The following MYT1 variants were observed in gnomAD, a reference collection of about 807,000 sequenced individuals.
MYT1 encodes myelin transcription factor I.
MYT1 carries 23 observed loss-of-function variants against 123.0 expected under a neutral mutation model. The observed-to-expected ratio is 0.19, with a 90% CI of 0.13 to 0.26. The LOEUF is 0.26. Among genes scored for constraint, MYT1 ranks in the 10% least tolerant of loss-of-function variants. The probability of loss-of-function intolerance (pLI) is 1.00; values close to 1 mark genes in which losing one functional copy is unlikely to be tolerated. For synonymous variants in MYT1, 518 were observed against 575.3 expected (o/e 0.90, Z 1.43); for missense variants, 1,125 against 1,472.5 (o/e 0.76, Z 3.86).
chr20:64,191,365 G>A lies in MYT1; in HGVS notation c.-1+1205G>A, dbSNP rs1272621698. The A allele has an allele frequency of 6.6e-6, 1 of 152,272 alleles. No individual in the cohort carries two copies. The highest frequency in any genetic ancestry group is 2.4e-5 in the African/African-American group (1 of 41,456). 9.4% of individuals were successfully genotyped at this position (152,272 alleles called of 1,614,324 possible). ...AACTTCCCACCAATACTCTCTGGAT[G>A]AGGCCAGGTCCCCAGGGTCAGGTGA... On this transcript the variant is annotated intron_variant, in intron 2 of 22. Coordinates refer to ENST00000328439, the MANE Select transcript of MYT1 (RefSeq NM_004535.3). The surrounding 1 kb of genome is among the most constrained non-coding windows in gnomAD (Gnocchi z 4.1).
chr20:64,169,072 G>A (rs1195884669), intron 1 of MYT1, among the ~76,000 whole-genome samples: 5 of 152,188 alleles, frequency 3.3e-5, no homozygotes, highest in Admixed American at 6.5e-5. Context: ...TGAGAAGAGG[G>A]GGCCCTGGGT....
chr20:64,180,716 G>T (rs748586317), intron 1 of MYT1, among the ~76,000 whole-genome samples: 1 of 152,242 alleles, frequency 6.6e-6, no homozygotes, highest in Non-Finnish European at 1.5e-5. Context: ...GACCTTTTCG[G>T]ACACTTGTGC....
Position 64,202,052 on chromosome 20 carries a change from T to TC in MYT1, c.86+2130_86+2131insC, listed in dbSNP as rs1983336853. On this transcript the variant is annotated intron_variant, in intron 4 of 22. Coordinates refer to ENST00000328439, the MANE Select transcript of MYT1 (RefSeq NM_004535.3). This position sits in a 1 kb window ranked among gnomAD's most constrained non-coding sequence, Gnocchi z 5.0. Reference sequence around the variant, plus strand: ...GGAACCCCCGCGTGTCGGGAACCTCTGCGTGTCGGGAACCCCTGTGTGCAG... The same window carrying TC: ...GGAACCCCCGCGTGTCGGGAACCTCTCGCGTGTCGGGAACCCCTGTGTGCAG... 4.5e-5 allele frequency among the ~76,000 whole-genome samples: 6 copies of TC among 133,510 alleles called. No homozygotes were observed. Among genetic ancestry groups the TC allele is most frequent in the South Asian group, 2.5e-4 (1 of 4,038 alleles). 87.6% of individuals were successfully genotyped at this position (133,510 alleles called of 152,430 possible). A position where few individuals can be genotyped will look rare whatever the true frequency, so the allele number is the denominator to read the frequency against.
At chr20:64,214,936 A>T (rs1983792810) in intron 10 of MYT1, among the ~76,000 whole-genome samples, 1 of 152,166 alleles carries the variant, frequency 6.6e-6, no homozygotes, top group South Asian at 2.1e-4. Flanking sequence ...TGTTCCTCTG[A>T]AGGTGCAATT....
In MYT1 at chr20:64,239,852, C is replaced by A. The variant is rs374037156; in HGVS notation, c.3186C>A (p.Gly1062=). The A allele has an allele frequency of 1.1e-4, 185 of 1,613,672 alleles. No individual in the cohort carries two copies. The highest frequency in any genetic ancestry group is 1.3e-4 in the Non-Finnish European group (158 of 1,180,042). ...AAGCCCTGTTTCTGGAGCTGTCCGG[C>A]CTGAGCCAGGCCCTCATCCAAAGTC... ...QNEALFLELS[G]LSQALIQSLA... is the part of the protein sequence containing the mutation. The change falls in exon 22 of 23, where the codon GGC becomes GGA. Residue 1062 remains glycine, a synonymous_variant. Coordinates refer to ENST00000328439, the MANE Select transcript of MYT1 (RefSeq NM_004535.3).
rs1328232650 is a variant in MYT1, at chr20:64,227,915, A to G, written c.2619A>G (p.Lys873=). 1.2e-6 allele frequency: 2 copies of G among 1,613,990 alleles called. No individual in the cohort carries two copies. Among genetic ancestry groups the G allele is most frequent in the East Asian group, 2.2e-5 (1 of 44,892 alleles). ...TGTCCGGCTGCCCTCGTGCAAAGAA[A>G]AGTGGAGTCAAGGTGGCACCCACCA... is the stretch of plus-strand genomic sequence containing the variant. ...RSLSGCPRAK[K]SGVKVAPTKD... Residue 873 remains lysine, a synonymous_variant, in exon 18 of 23, where the codon AAA becomes AAG. Transcript: ENST00000328439.
At chr20:64,187,530 C>T (rs1187192070) in intron 1 of MYT1, among the ~76,000 whole-genome samples, 1 of 152,066 alleles carries the variant, frequency 6.6e-6, no homozygotes, top group Non-Finnish European at 1.5e-5. Flanking sequence ...TCCTGTGGCA[C>T]GTGGCCCCGG....
At chr20:64,171,258 C>G (rs978062270) in intron 1 of MYT1, among the ~76,000 whole-genome samples, 2 of 152,260 alleles carry the variant, frequency 1.3e-5, no homozygotes, top group African/African-American at 4.8e-5. Flanking sequence ...GTGCTGCAAG[C>G]TTGCTGCCTT....
chr20:64,233,711 G>A (rs1181040810), intron 19 of MYT1, among the ~76,000 whole-genome samples: 1 of 151,834 alleles, frequency 6.6e-6, no homozygotes, highest in Non-Finnish European at 1.5e-5. Flanking sequence ...TGGTGCGTGT[G>A]CTGGGCAAAA....
intron 2 of MYT1, among the ~76,000 whole-genome samples, chr20:64,198,655 T>A (rs1983202464): frequency 6.6e-6 from 1 of 152,216 alleles, no homozygotes; most frequent in South Asian, 2.1e-4. Context: ...CCAAGCCTTG[T>A]AGAAGGTCCT....
At chr20:64,211,479 C>G in intron 8 of MYT1, 139 bp downstream of exon 8, 2 of 892,836 alleles carry the variant, frequency 2.2e-6, no homozygotes, top group Non-Finnish European at 3.3e-6. Context: ...CTCATCCTTA[C>G]ATCTCCCCGC....
At chr20:64,219,383 C>T (rs552706273) in intron 12 of MYT1, among the ~76,000 whole-genome samples, 22 of 152,352 alleles carry the variant, frequency 1.4e-4, no homozygotes, top group Non-Finnish European at 3.1e-4. Context: ...GGGCGGTGCA[C>T]GTGCCCTGTT....
intron 1 of MYT1, among the ~76,000 whole-genome samples, chr20:64,188,278 G>A (rs1268191121): frequency 2.6e-5 from 4 of 152,156 alleles, no homozygotes; most frequent in African/African-American, 4.8e-5. Flanking sequence ...AGTCGCACTC[G>A]GGAGAGGCAG....
intron 20 of MYT1, 63 bp downstream of exon 20, chr20:64,236,709 C>T (rs1025969575): frequency 1.5e-5 from 21 of 1,415,704 alleles, no homozygotes; most frequent in South Asian, 2.3e-5. Context: ...GAGAGCTGTG[C>T]ACCTTTTGTG....
At chr20:64,235,206 G>A (rs1435039741) in intron 19 of MYT1, among the ~76,000 whole-genome samples, 6 of 92,228 alleles carry the variant, frequency 6.5e-5, no homozygotes, top group South Asian at 4.4e-4. Flanking sequence ...ATGTGACCCC[G>A]GGATGGTCAT....
At position 64,240,430 on chromosome 20, in the gene MYT1, G is replaced by A. The variant is rs760455124; in HGVS notation, c.3348G>A (p.Val1116=). The change falls in exon 23 of 23, where the codon GTG becomes GTA. Residue 1116 remains valine, a synonymous_variant. Coordinates refer to ENST00000328439, the MANE Select transcript of MYT1 (RefSeq NM_004535.3). The part of the protein sequence containing the change: ...KDLLESIKQA[V]RGIQV ...TCCTGGAGAGCATCAAGCAGGCTGT[G>A]AGGGGCATCCAGGTCTAGGCCGTGT... The A allele has an allele frequency of 1.4e-5, 23 of 1,613,420 alleles. 1 individual carries two copies. In the South Asian group the frequency reaches 2.4e-4, roughly 17 times the overall value.
chr20:64,210,074 C>T (rs909971239), intron 7 of MYT1, among the ~76,000 whole-genome samples: 11 of 152,084 alleles, frequency 7.2e-5, no homozygotes, highest in Admixed American at 3.3e-4. Flanking sequence ...CACAGATCAG[C>T]GCAGAATTTG....
rs1177777547 is a variant in MYT1, at chr20:64,191,199, AT to A, written c.-1+1040del. Among the ~76,000 whole-genome samples, 1 of 152,060 alleles carries A rather than the reference AT, an allele frequency of 6.6e-6. No individual in the cohort carries two copies. Among genetic ancestry groups the A allele is most frequent in the African/African-American group, 2.4e-5 (1 of 41,368 alleles). On this transcript the variant is annotated intron_variant, in intron 2 of 22. Transcript: ENST00000328439. The surrounding 1 kb of genome is among the most constrained non-coding windows in gnomAD (Gnocchi z 4.1). Reference sequence around the variant, plus strand: ...AGTCTGTTGGCCTTGTTTTATTTCGATCTTCCTAAGGGGAGGCAGATGGTGC... The same window carrying A: ...AGTCTGTTGGCCTTGTTTTATTTCGACTTCCTAAGGGGAGGCAGATGGTGC...
intron 4 of MYT1, among the ~76,000 whole-genome samples, chr20:64,200,760 A>G (rs750195843): frequency 8.5e-5 from 13 of 152,174 alleles, no homozygotes; most frequent in Non-Finnish European, 1.9e-4. Context: ...ACCTTCATCT[A>G]ACCAGAAGAG....
Sources: gnomAD v4.1 joint callset for allele counts (sites outside exome capture counted in the v4.1 genomes callset) on GRCh38, gnomAD v4.1.1 for gene constraint, Gnocchi (gnomAD v3.1) non-coding constraint, MANE v1.5 for transcripts, NCBI Gene and HGNC (gene_info 2026-07-23, HGNC 2026-07-21) for gene names.